The following PPP2R5E variants were observed in gnomAD, a reference collection of about 807,000 sequenced individuals.
PPP2R5E encodes serine/threonine-protein phosphatase 2A 56 kDa regulatory subunit epsilon isoform.
In PPP2R5E, 4 loss-of-function variants were observed where a neutral mutation model predicts 65.3. The ratio of observed to expected loss-of-function variants is 0.06; its 90% CI spans 0.03 to 0.14. The LOEUF (loss-of-function observed/expected upper bound fraction) is 0.14, where lower values mean the gene tolerates loss of function less well. PPP2R5E is among the 10% of genes least tolerant of loss of function. The probability of loss-of-function intolerance (pLI) is 1.00; values close to 1 mark genes in which losing one functional copy is unlikely to be tolerated. For missense variants in PPP2R5E, 274 were observed against 556.1 expected (o/e 0.49, Z 5.10); for synonymous variants, 183 against 187.4 (o/e 0.98, Z 0.19).
At chr14:63,490,545 A>T (rs939846131) in intron 2 of PPP2R5E, among the ~76,000 whole-genome samples, 4 of 152,100 alleles carry the variant, frequency 2.6e-5, no homozygotes, top group Admixed American at 2.6e-4. Flanking sequence ...TCAACAAGAA[A>T]AAAACAACCC....
chr14:63,449,690 G>C (rs1157256658), intron 3 of PPP2R5E, among the ~76,000 whole-genome samples: 1 of 151,942 alleles, frequency 6.6e-6, no homozygotes, highest in African/African-American at 2.4e-5. Context: ...AATATTTAAG[G>C]AGGGACTGGG....
At chr14:63,526,676 C>CCTG (rs1264348902) in intron 2 of PPP2R5E, among the ~76,000 whole-genome samples, 1 of 152,154 alleles carries the variant, frequency 6.6e-6, no homozygotes, top group Non-Finnish European at 1.5e-5. Context: ...CTCACCTTGG[C>CCTG]CTGCAGAGTA....
chr14:63,521,882 A>T (rs1291961947), intron 2 of PPP2R5E, among the ~76,000 whole-genome samples: 13 of 152,098 alleles, frequency 8.5e-5, no homozygotes, highest in Non-Finnish European at 1.8e-4. Context: ...CTGAAAAATT[A>T]ATTTGATGAG....
chr14:63,476,742 A>C (rs1890430690), intron 2 of PPP2R5E, among the ~76,000 whole-genome samples: 1 of 152,144 alleles, frequency 6.6e-6, no homozygotes. Context: ...TAGATTTTTA[A>C]GGCCTTTAGA....
Position 63,374,172 on chromosome 14 carries a change from C to T in PPP2R5E, c.*1837G>A, listed in dbSNP as rs2139717644. 6.6e-6 allele frequency: 1 copy of T among 150,696 alleles called. No individual in the cohort carries two copies. Among genetic ancestry groups the T allele is most frequent in the South Asian group, 2.1e-4 (1 of 4,762 alleles). 9.3% of individuals were successfully genotyped at this position (150,696 alleles called of 1,614,324 possible). ...GATGACAATATCCATAATTAGCTGA[C>T]TCTTACGTACACACTGTGACCTGAT... On this transcript the variant is annotated 3_prime_UTR_variant, in exon 14 of 14. Transcript: ENST00000337537.
chr14:63,527,101 G>A (rs1009891021), intron 2 of PPP2R5E, among the ~76,000 whole-genome samples: 1 of 152,156 alleles, frequency 6.6e-6, no homozygotes, highest in African/African-American at 2.4e-5. Context: ...CCCAGGAGGT[G>A]GGGGTTGCAG....
At chr14:63,506,274 C>T (rs1892170500) in intron 2 of PPP2R5E, among the ~76,000 whole-genome samples, 1 of 151,976 alleles carries the variant, frequency 6.6e-6, no homozygotes, top group African/African-American at 2.4e-5. Flanking sequence ...CATGCTGAAA[C>T]CCCGTCTCTA....
chr14:63,531,683 G>A (rs1239956427), intron 2 of PPP2R5E, among the ~76,000 whole-genome samples: 1 of 151,598 alleles, frequency 6.6e-6, no homozygotes, highest in Non-Finnish European at 1.5e-5. Context: ...GCCGGGTGCG[G>A]TGGCTCATGC....
At chr14:63,482,231 G>C (rs1038171614) in intron 2 of PPP2R5E, among the ~76,000 whole-genome samples, 27 of 152,222 alleles carry the variant, frequency 1.8e-4, no homozygotes, top group Admixed American at 5.9e-4. Flanking sequence ...TTGAGAGGCT[G>C]AGGTGGGCAG....
chr14:63,520,609 T>C (rs1007615857), intron 2 of PPP2R5E, among the ~76,000 whole-genome samples: 1 of 152,152 alleles, frequency 6.6e-6, no homozygotes, highest in African/African-American at 2.4e-5. Flanking sequence ...CTGAACTGCA[T>C]AGCCCACTGT....
intron 7 of PPP2R5E, among the ~76,000 whole-genome samples, chr14:63,394,189 C>A (rs1885198600): frequency 6.7e-6 from 1 of 149,114 alleles, no homozygotes; most frequent in Non-Finnish European, 1.5e-5. Context: ...TCAAGCTATT[C>A]CTATGCCTCA....
chr14:63,498,678 C>T (rs759112627), intron 2 of PPP2R5E, among the ~76,000 whole-genome samples: 1 of 152,026 alleles, frequency 6.6e-6, no homozygotes, highest in Admixed American at 6.6e-5. Flanking sequence ...CCCACCTTGG[C>T]TTAACAAAGT....
intron 2 of PPP2R5E, among the ~76,000 whole-genome samples, chr14:63,492,774 T>C (rs1232844549): frequency 2.0e-5 from 3 of 152,178 alleles, no homozygotes; most frequent in Non-Finnish European, 4.4e-5. Context: ...GATGGTGGCA[T>C]GTGTGTGTTT....
At chr14:63,498,414 C>T (rs1006558693) in intron 2 of PPP2R5E, among the ~76,000 whole-genome samples, 16 of 151,974 alleles carry the variant, frequency 1.1e-4, no homozygotes, top group Admixed American at 2.6e-4. Flanking sequence ...TCATGCTTTG[C>T]TTGACATGGT....
intron 3 of PPP2R5E, among the ~76,000 whole-genome samples, chr14:63,442,001 C>T (rs1888263916): frequency 2.0e-5 from 3 of 151,986 alleles, no homozygotes; most frequent in Non-Finnish European, 4.4e-5. Flanking sequence ...TATGGGCACC[C>T]CAAGCTGCTA....
chr14:63,488,630 C>T (rs990736263), intron 2 of PPP2R5E, among the ~76,000 whole-genome samples: 1 of 152,118 alleles, frequency 6.6e-6, no homozygotes, highest in Admixed American at 6.6e-5. Flanking sequence ...GGGCAGATCA[C>T]TTGAAGTCAG....
intron 3 of PPP2R5E, among the ~76,000 whole-genome samples, chr14:63,427,223 T>C (rs960736780): frequency 6.6e-6 from 1 of 152,208 alleles, no homozygotes; most frequent in Admixed American, 6.5e-5. Flanking sequence ...CATTCAGGTA[T>C]TTCCAAAGTC....
intron 11 of PPP2R5E, among the ~76,000 whole-genome samples, chr14:63,387,042 A>G (rs932111530): frequency 6.6e-6 from 1 of 152,180 alleles, no homozygotes; most frequent in African/African-American, 2.4e-5. Context: ...GGACAGAGGC[A>G]TGGACGAGGA....
At chr14:63,519,782 C>A (rs1892818839) in intron 2 of PPP2R5E, among the ~76,000 whole-genome samples, 2 of 151,914 alleles carry the variant, frequency 1.3e-5, no homozygotes, top group Non-Finnish European at 2.9e-5. Flanking sequence ...CTGCCTCAGC[C>A]TCCCGAGTAG....
Sources: allele counts gnomAD v4.1 joint callset (sites outside exome capture counted in the v4.1 genomes callset), GRCh38; gene constraint gnomAD v4.1.1; transcripts MANE v1.5; gene names NCBI Gene and HGNC (gene_info 2026-07-23, HGNC 2026-07-21).